Variants in MUSK observed in about 807,000 individuals in gnomAD.
The protein encoded by MUSK is muscle, skeletal receptor tyrosine-protein kinase.
Under a neutral mutation model 88.7 loss-of-function variants are expected in MUSK, and 55 were observed. That is an observed-to-expected ratio of 0.62 (90% CI 0.50 to 0.78). MUSK has a LOEUF of 0.78. Ranked by LOEUF, MUSK falls within the 30% of genes least tolerant of loss-of-function variation. The probability of loss-of-function intolerance (pLI) is 0.00; values close to 1 mark genes in which losing one functional copy is unlikely to be tolerated. For synonymous variants in MUSK, 387 were observed against 391.9 expected (o/e 0.99, Z 0.15); for missense variants, 1,015 against 1,074.3 (o/e 0.94, Z 0.77).
intron 7 of MUSK, among the ~76,000 whole-genome samples, chr9:110,750,954 A>C (rs775758086): frequency 3.3e-5 from 5 of 152,160 alleles, no homozygotes; most frequent in Non-Finnish European, 7.3e-5. Context: ...CCTCCTTTTC[A>C]CAGCATATGA....
At chr9:110,709,573 C>T (rs1353860304) in intron 5 of MUSK, among the ~76,000 whole-genome samples, 2 of 152,108 alleles carry the variant, frequency 1.3e-5, no homozygotes, top group East Asian at 1.9e-4. Context: ...ACAGAGTAAA[C>T]ACTCAAATAG....
Position 110,671,903 on chromosome 9 carries a change from G to A in MUSK, c.79+2920G>A, listed in dbSNP as rs556388544. ...CAAAAGTCTCACTTTCAAAACACCC[G>A]ACTTACTACAATACGTTGAAGTGTT... On this transcript the variant is annotated intron_variant, in intron 1 of 14. Coordinates refer to ENST00000374448, the MANE Select transcript of MUSK (RefSeq NM_005592.4). Among the ~76,000 whole-genome samples, 45 of 152,242 alleles carry A rather than the reference G, an allele frequency of 3.0e-4. 1 individual carries two copies. Among genetic ancestry groups the A allele is most frequent in the Admixed American group, 2.7e-3 (41 of 15,284 alleles).
Position 110,787,818 on chromosome 9 carries a change from C to G in MUSK, c.1907C>G (p.Pro636Arg), listed in dbSNP as rs2077901354. The change falls in exon 14 of 15, where the codon CCT (proline) becomes CGT (arginine). Residue 636 changes from proline (P) to arginine (R), a missense_variant. Coordinates refer to ENST00000374448, the MANE Select transcript of MUSK (RefSeq NM_005592.4). ...GCCCTCATGGCAGAATTTGACAACC[C>G]TAACATTGTGAAGCTATTAGGTATG... ...EAALMAEFDN[P>R]NIVKLLGVCA... The G allele has an allele frequency of 1.2e-6, 2 of 1,612,632 alleles. No individual in the cohort carries two copies. Among genetic ancestry groups the G allele is most frequent in the Admixed American group, 3.3e-5 (2 of 59,800 alleles).
intron 1 of MUSK, among the ~76,000 whole-genome samples, chr9:110,669,825 C>G (rs1007369306): frequency 6.6e-6 from 1 of 152,048 alleles, no homozygotes; most frequent in African/African-American, 2.4e-5. Context: ...GAAAGCAGAT[C>G]GAGTGGTATC....
At chr9:110,746,963 C>T (rs1014940038) in intron 6 of MUSK, among the ~76,000 whole-genome samples, 3 of 152,284 alleles carry the variant, frequency 2.0e-5, no homozygotes, top group Admixed American at 2.0e-4. Flanking sequence ...ACTTAACTGT[C>T]ATCTGTAGGA....
At chr9:110,690,206 A>AAATATATATTTAAGTATAAATATATATT (rs2076315909) in intron 3 of MUSK, among the ~76,000 whole-genome samples, 1 of 104,392 alleles carries the variant, frequency 9.6e-6, no homozygotes, top group Non-Finnish European at 1.7e-5. Context: ...AAATATATAT[A>AAATATATATTTAAGTATAAATATATATT]AATATATATT....
At position 110,804,556 on chromosome 9, in the gene MUSK, C is replaced by G. The variant is rs2078137060; in HGVS notation, c.*3568C>G. On this transcript the variant is annotated 3_prime_UTR_variant, in exon 15 of 15. Coordinates refer to ENST00000374448, the MANE Select transcript of MUSK (RefSeq NM_005592.4). ...TAACAGTTTTTATTTTGGCAATTGT[C>G]TACAGCCCATTTTTCTGCTGTGTTC... Among the ~76,000 whole-genome samples, 1 of 151,942 alleles carries G rather than the reference C, an allele frequency of 6.6e-6. No individual in the cohort carries two copies. Among genetic ancestry groups the G allele is most frequent in the African/African-American group, 2.4e-5 (1 of 41,394 alleles).
Position 110,668,994 on chromosome 9 carries a change from G to A in MUSK, c.79+11G>A, listed in dbSNP as rs139516442. On this transcript the variant is annotated intron_variant, in intron 1 of 14. Transcript: ENST00000374448. ...AGAAACTTCCAAAAGGTTGGTTTGAGCAATCGTGTCTTCTTGTTGTCTTGT... is the reference window on the plus strand; with the variant it reads ...AGAAACTTCCAAAAGGTTGGTTTGAACAATCGTGTCTTCTTGTTGTCTTGT... The A allele has an allele frequency of 2.6e-4, 417 of 1,606,702 alleles. No individual in the cohort carries two copies. The African/African-American group carries it at 4.1e-3, about 16-fold the overall frequency.
chr9:110,800,603 C>T lies in MUSK; in HGVS notation c.2225C>T (p.Ala742Val), dbSNP rs2078077917. 1 of 1,613,744 alleles carries T rather than the reference C, an allele frequency of 6.2e-7. No individual in the cohort carries two copies. ...LVGENMVVKI[A>V]DFGLSRNIYS... ...GGCGAGAACATGGTGGTGAAAATTG[C>T]CGACTTTGGCCTCTCCAGGAACATC... Residue 742 changes from alanine to valine, a missense_variant, in exon 15 of 15, where the codon GCC becomes GTC. Physicochemically the swap from Ala to Val is moderately conservative, Grantham distance 64. Transcript: ENST00000374448.
At chr9:110,776,781 C>T in intron 11 of MUSK, 126 bp downstream of exon 11, 1 of 767,120 alleles carries the variant, frequency 1.3e-6, no homozygotes, top group Non-Finnish European at 2.1e-6. Context: ...GTCTTCTCAC[C>T]ATACTCATCC....
rs2076147031 is a variant in MUSK at position 110,682,577 on chromosome 9, A to G, written c.80-97A>G. ...CAAATTTCTACTCTGGGGAAACAGA[A>G]TTCTCATTCAGGTATGTAATGGCTT... On this transcript the variant is annotated intron_variant, in intron 1 of 14. Transcript: ENST00000374448. The G allele has an allele frequency of 2.5e-6, 3 of 1,223,090 alleles. No homozygotes were observed. In the African/African-American group the frequency reaches 4.6e-5, roughly 19 times the overall value. The allele number at this position is 1,223,090 out of a possible 1,614,324, so 75.8% of individuals were successfully genotyped here.
chr9:110,734,753 C>T (rs1318241571), intron 6 of MUSK, among the ~76,000 whole-genome samples: 1 of 152,128 alleles, frequency 6.6e-6, no homozygotes, highest in Admixed American at 6.6e-5. Flanking sequence ...GTCAGTTCAG[C>T]ATTCTTTTCT....
At chr9:110,686,060 A>G (rs2076192527) in intron 2 of MUSK, among the ~76,000 whole-genome samples, 1 of 152,146 alleles carries the variant, frequency 6.6e-6, no homozygotes, top group Non-Finnish European at 1.5e-5. Context: ...GTTCACACGT[A>G]TGAAATAAAT....
In MUSK at chr9:110,803,974, G is replaced by A. The variant is rs985602222; in HGVS notation, c.*2986G>A. On this transcript the variant is annotated 3_prime_UTR_variant, in exon 15 of 15. Coordinates refer to ENST00000374448, the MANE Select transcript of MUSK (RefSeq NM_005592.4). Reference sequence around the variant, plus strand: ...TTTTTAGTGATCAAATACCAAACATGGTAAGATACCAGAGTATTTTTCACA... The same window carrying A: ...TTTTTAGTGATCAAATACCAAACATAGTAAGATACCAGAGTATTTTTCACA... 6.6e-6 allele frequency among the ~76,000 whole-genome samples: 1 copy of A among 151,930 alleles called. No individual in the cohort carries two copies. The highest frequency in any genetic ancestry group is 6.6e-5 in the Admixed American group (1 of 15,250).
chr9:110,719,429 G>C (rs2076783352), intron 5 of MUSK, among the ~76,000 whole-genome samples: 1 of 152,030 alleles, frequency 6.6e-6, no homozygotes. Flanking sequence ...AAAGCGAGCA[G>C]GAGTCGCTAT....
intron 6 of MUSK, among the ~76,000 whole-genome samples, chr9:110,738,526 A>G (rs1477842643): frequency 6.6e-6 from 1 of 152,180 alleles, no homozygotes; most frequent in Non-Finnish European, 1.5e-5. Context: ...GTCTAGTCCT[A>G]AGTAATAACC....
intron 5 of MUSK, among the ~76,000 whole-genome samples, chr9:110,707,003 CA>C (rs935863349): frequency 1.8e-3 from 264 of 149,302 alleles, no homozygotes; most frequent in Non-Finnish European, 3.0e-3. Context: ...GACCCTGTCT[CA>C]AAAAAATAGA....
At chr9:110,742,259 C>T (rs905103236) in intron 6 of MUSK, among the ~76,000 whole-genome samples, 1 of 151,978 alleles carries the variant, frequency 6.6e-6, no homozygotes, top group Non-Finnish European at 1.5e-5. Flanking sequence ...TGGAGACCAT[C>T]CTGGCTAACA....
intron 7 of MUSK, among the ~76,000 whole-genome samples, chr9:110,752,547 T>C (rs2077261162): frequency 6.6e-6 from 1 of 152,266 alleles, no homozygotes; most frequent in African/African-American, 2.4e-5. Flanking sequence ...TGCCAAACTC[T>C]GCTGTCTCAT....
Sources: gnomAD v4.1 joint callset for allele counts (sites outside exome capture counted in the v4.1 genomes callset) on GRCh38, gnomAD v4.1.1 for gene constraint, MANE v1.5 for transcripts, NCBI Gene and HGNC (gene_info 2026-07-23, HGNC 2026-07-21) for gene names.